Variants in SLC1A3 observed in about 807,000 individuals in gnomAD.
The protein encoded by SLC1A3 is solute carrier family 1 member 3, also known as excitatory amino acid transporter 1.
A neutral mutation model predicts 48.1 loss-of-function variants in SLC1A3; 21 were observed. That is an observed-to-expected ratio of 0.44 (90% CI 0.31 to 0.63). The LOEUF is 0.63. Among genes scored for constraint, SLC1A3 ranks in the 20% least tolerant of loss-of-function variants. The pLI, the probability that SLC1A3 is intolerant of heterozygous loss-of-function variation, is 0.08. For synonymous variants in SLC1A3, 239 were observed against 251.4 expected, an observed-to-expected ratio of 0.95 and a Z score of 0.47; for missense variants, 546 against 689.0, an observed-to-expected ratio of 0.79 and a Z score of 2.32.
chr5:36,644,308 G>A (rs1278090522), intron 3 of SLC1A3, among the ~76,000 whole-genome samples: 1 of 152,156 alleles, frequency 6.6e-6, no homozygotes, highest in Non-Finnish European at 1.5e-5. Flanking sequence ...TCTAGGTATT[G>A]TAATTGTGCA....
chr5:36,630,853 A>T (rs1740108169), intron 3 of SLC1A3, among the ~76,000 whole-genome samples: 1 of 152,228 alleles, frequency 6.6e-6, no homozygotes, highest in Non-Finnish European at 1.5e-5. Context: ...AATTGCCCAT[A>T]AAACAGTCCT....
At chr5:36,679,603 C>T (rs372130115) in intron 6 of SLC1A3, 24 bp from the exon 7 acceptor site, 6 of 1,523,284 alleles carry the variant, frequency 3.9e-6, no homozygotes, top group East Asian at 2.2e-5. Context: ...AGACTCCAAC[C>T]GTGCTGGTGT....
At chr5:36,676,224 T>C (rs1212556630) in intron 5 of SLC1A3, among the ~76,000 whole-genome samples, 1 of 152,234 alleles carries the variant, frequency 6.6e-6, no homozygotes, top group Non-Finnish European at 1.5e-5. Context: ...TTTAGGGATT[T>C]TTAATTTGTA....
At position 36,608,408 on chromosome 5, in the gene SLC1A3, C is replaced by T. The variant is rs1329478000; in HGVS notation, c.-16C>T. On this transcript the variant is annotated 5_prime_UTR_variant, in exon 2 of 10. Coordinates refer to ENST00000265113, the MANE Select transcript of SLC1A3 (RefSeq NM_004172.5). The stretch of plus-strand genomic sequence containing the variant: ...CACTGAAGTGCAAAGAAGAGACCCT[C>T]CTAGAAAAGTAAAATATGACTAAAA... The T allele has an allele frequency of 2.5e-6, 4 of 1,613,360 alleles. No homozygotes were observed. The highest frequency in any genetic ancestry group is 3.4e-6 in the Non-Finnish European group (4 of 1,179,594).
intron 5 of SLC1A3, among the ~76,000 whole-genome samples, chr5:36,674,796 C>T (rs977220738): frequency 6.6e-6 from 1 of 152,152 alleles, no homozygotes; most frequent in Non-Finnish European, 1.5e-5. Context: ...TTCTGCTACT[C>T]CATTCTGCTT....
intron 3 of SLC1A3, among the ~76,000 whole-genome samples, chr5:36,639,604 C>T (rs1369031366): frequency 6.6e-6 from 1 of 152,212 alleles, no homozygotes; most frequent in Non-Finnish European, 1.5e-5. Flanking sequence ...GAGCACCAAG[C>T]ATGTGCATGT....
chr5:36,628,767 G>C (rs184514895), intron 2 of SLC1A3, among the ~76,000 whole-genome samples: 1 of 152,138 alleles, frequency 6.6e-6, no homozygotes, highest in Non-Finnish European at 1.5e-5. Flanking sequence ...GGAAAATTGC[G>C]TTCTCTTTCC....
chr5:36,671,271 C>T (rs1459957320), intron 4 of SLC1A3, 38 bp downstream of exon 4: 12 of 1,464,872 alleles, frequency 8.2e-6, no homozygotes, highest in South Asian at 3.5e-5. Context: ...GGTGTATTTT[C>T]GCCATCCAGA....
chr5:36,616,336 A>G (rs964739549), intron 2 of SLC1A3, among the ~76,000 whole-genome samples: 1 of 152,222 alleles, frequency 6.6e-6, no homozygotes, highest in African/African-American at 2.4e-5. Context: ...GAGAAAGATA[A>G]AAGGCCCAAA....
At chr5:36,598,126 C>A (rs1257517279) in intron 1 of SLC1A3, among the ~76,000 whole-genome samples, 2 of 152,212 alleles carry the variant, frequency 1.3e-5, no homozygotes, top group South Asian at 2.1e-4. Flanking sequence ...AATTGTGTAG[C>A]GCTTAAGTTC....
chr5:36,629,660 C>T, intron 3 of SLC1A3, 73 bp downstream of exon 3: 1 of 1,352,424 alleles, frequency 7.4e-7, no homozygotes, highest in Non-Finnish European at 1.1e-6. Flanking sequence ...TTAGAAAAGC[C>T]AGTGCTTTAG....
intron 8 of SLC1A3, among the ~76,000 whole-genome samples, chr5:36,683,506 C>T (rs1441115569): frequency 6.6e-6 from 1 of 151,694 alleles, no homozygotes; most frequent in Admixed American, 6.6e-5. Context: ...GTCAAGAGTT[C>T]GAGACTAACC....
At chr5:36,647,034 C>T (rs951876352) in intron 3 of SLC1A3, among the ~76,000 whole-genome samples, 1 of 152,184 alleles carries the variant, frequency 6.6e-6, no homozygotes, top group African/African-American at 2.4e-5. Context: ...TGGGATGTTT[C>T]TCATCGAAAC....
chr5:36,608,989 G>GTTT, intron 2 of SLC1A3: 1 of 1,003,184 alleles, frequency 1.0e-6, no homozygotes, highest in Non-Finnish European at 1.2e-6. Context: ...TATACAATTA[G>GTTT]TACACCTAAA....
chr5:36,648,434 C>A (rs796275349), intron 3 of SLC1A3, among the ~76,000 whole-genome samples: 8 of 152,268 alleles, frequency 5.3e-5, no homozygotes, highest in African/African-American at 1.9e-4. Flanking sequence ...ATAAGTCAGA[C>A]CTTGTACAAC....
chr5:36,676,958 G>A lies in SLC1A3; in HGVS notation c.634G>A (p.Ala212Thr), dbSNP rs1742234201. ...PIQANETLVG[A>T]VINNVSEAME... is the part of the protein sequence containing the mutation. ...CCAGGCCAACGAAACGCTTGTGGGT[G>A]CTGTGATAAACAATGTGTCTGAGGC... is the stretch of plus-strand genomic sequence containing the variant. Residue 212 changes from alanine to threonine, a missense_variant, in exon 6 of 10, where the codon GCT (alanine) becomes ACT (threonine). Ala to Thr is a moderately conservative substitution (Grantham distance 58). This residue lies in a region of SLC1A3 where 348 missense variants were observed against 392.0 expected (regional missense o/e 0.89). Transcript: ENST00000265113. 6.2e-7 allele frequency: 1 copy of A among 1,614,018 alleles called. No homozygotes were observed. The highest frequency in any genetic ancestry group is 2.2e-5 in the East Asian group (1 of 44,890).
chr5:36,670,832 T>A (rs1269887457), intron 3 of SLC1A3, 197 bp from the exon 4 acceptor site: 3 of 627,826 alleles, frequency 4.8e-6, no homozygotes, highest in East Asian at 5.5e-5. Context: ...CTGACACTGC[T>A]GATGCCTCAC....
intron 1 of SLC1A3, among the ~76,000 whole-genome samples, chr5:36,597,074 A>G (rs938152281): frequency 1.3e-5 from 2 of 151,318 alleles, no homozygotes; most frequent in Non-Finnish European, 2.9e-5. Flanking sequence ...GCTCATGGAG[A>G]TTGGGTAATT....
chr5:36,616,510 G>A (rs765013019), intron 2 of SLC1A3, among the ~76,000 whole-genome samples: 5 of 152,080 alleles, frequency 3.3e-5, no homozygotes, highest in African/African-American at 4.8e-5. Context: ...CTCCAGAGAG[G>A]GCAACTCCAT....
Sources: gnomAD v4.1 joint callset for allele counts (sites outside exome capture counted in the v4.1 genomes callset) on GRCh38, gnomAD v4.1.1 for gene constraint, gnomAD v4.1.1 regional missense constraint, MANE v1.5 for transcripts, NCBI Gene and HGNC (gene_info 2026-07-23, HGNC 2026-07-21) for gene names.